The following TAFA1 variants were observed in gnomAD, a reference collection of about 807,000 sequenced individuals.
TAFA1 encodes the protein chemokine-like protein TAFA-1.
Under a neutral mutation model 18.5 loss-of-function variants are expected in TAFA1, and 4 were observed. The ratio of observed to expected loss-of-function variants is 0.22; its 90% confidence interval spans 0.11 to 0.49. The LOEUF (loss-of-function observed/expected upper bound fraction) is 0.49, where lower values mean the gene tolerates loss of function less well. Ranked by LOEUF, TAFA1 falls within the 20% of genes least tolerant of loss-of-function variation. TAFA1 has a pLI of 0.98. For missense variants in TAFA1, 147 were observed against 169.0 expected, an observed-to-expected ratio of 0.87 and a Z score of 0.72; for synonymous variants, 56 against 55.2, an observed-to-expected ratio of 1.01 and a Z score of -0.06.
intron 2 of TAFA1, among the ~76,000 whole-genome samples, chr3:68,416,975 A>T (rs184694437): frequency 2.0e-5 from 3 of 152,282 alleles, no homozygotes; most frequent in Admixed American, 2.0e-4. Flanking sequence ...CATTTAAATC[A>T]GGCAGCATCT....
At chr3:68,204,383 C>A (rs1416887915) in intron 2 of TAFA1, among the ~76,000 whole-genome samples, 1 of 151,770 alleles carries the variant, frequency 6.6e-6, no homozygotes, top group Admixed American at 6.6e-5. Flanking sequence ...CTTACACTGG[C>A]CTTTTGGTTA....
chr3:68,274,928 T>G (rs2313275), intron 2 of TAFA1, among the ~76,000 whole-genome samples: 62,076 of 151,958 alleles, frequency 0.41, 13,307 homozygotes, highest in East Asian at 0.74. Context: ...GTTGCAAAAT[T>G]AACATAGACC....
rs183292389 is a variant in TAFA1 at position 68,467,096 on chromosome 3, C to T, written c.259+49676C>T. 1.5e-4 allele frequency among the ~76,000 whole-genome samples: 23 copies of T among 152,260 alleles called. No homozygotes were observed. The East Asian group carries it at 3.3e-3, about 22-fold the overall frequency. ...AAGAGAAATATGGCTCTGTCCTGCC[C>T]GGCCCACAGGCAGCTAGACTTTTAA... On this transcript the variant is annotated intron_variant, in intron 3 of 4. Coordinates refer to ENST00000478136, the MANE Select transcript of TAFA1 (RefSeq NM_213609.4).
intron 2 of TAFA1, among the ~76,000 whole-genome samples, chr3:68,084,644 CA>C (rs1039977189): frequency 1.3e-5 from 2 of 151,948 alleles, no homozygotes; most frequent in African/African-American, 4.8e-5. Context: ...CTAAAACATA[CA>C]AAATTAGCTG....
At position 68,417,388 on chromosome 3, in the gene TAFA1, G is replaced by A. The variant is rs771859334; in HGVS notation, c.227G>A (p.Gly76Glu). 4.3e-6 allele frequency: 7 copies of A among 1,613,492 alleles called. No individual in the cohort carries two copies. Among genetic ancestry groups the A allele is most frequent in the Non-Finnish European group, 5.9e-6 (7 of 1,179,678 alleles). The change falls in exon 3 of 5, where the codon GGA (glycine) becomes GAA (glutamate). Residue 76 changes from glycine (G) to glutamate (E), a missense_variant. Physicochemically the swap from Gly to Glu is moderately conservative, Grantham distance 98 (BLOSUM62 -2). Transcript: ENST00000478136. ...KCSCLPGKVA[G>E]TTRNRPSCVD... Reference sequence around the variant, plus strand: ...TCCTGTCTACCTGGAAAAGTGGCTGGAACAACAAGAAACCGGCCTTCTTGC... The same window carrying A: ...TCCTGTCTACCTGGAAAAGTGGCTGAAACAACAAGAAACCGGCCTTCTTGC...
chr3:68,217,598 A>G (rs2066675040), intron 2 of TAFA1, among the ~76,000 whole-genome samples: 1 of 152,066 alleles, frequency 6.6e-6, no homozygotes, highest in Admixed American at 6.6e-5. Context: ...TGAATCATTA[A>G]TTGTAAGAAG....
At chr3:68,149,404 A>T (rs376807131) in intron 2 of TAFA1, among the ~76,000 whole-genome samples, 4 of 152,224 alleles carry the variant, frequency 2.6e-5, no homozygotes, top group African/African-American at 9.6e-5. Flanking sequence ...TTTATAAAGA[A>T]AAAAAGCTTA....
At chr3:68,060,655 A>G (rs1199451085) in intron 2 of TAFA1, among the ~76,000 whole-genome samples, 1 of 152,092 alleles carries the variant, frequency 6.6e-6, no homozygotes, top group Non-Finnish European at 1.5e-5. Context: ...GTGAATGTGG[A>G]GAAACTGGCC....
intron 3 of TAFA1, among the ~76,000 whole-genome samples, chr3:68,495,990 C>G (rs1436903225): frequency 7.9e-6 from 1 of 126,668 alleles, no homozygotes; most frequent in Non-Finnish European, 1.6e-5. Context: ...AACCTTCTTT[C>G]CCTGAAGCAA....
chr3:68,097,771 A>G (rs796940675), intron 2 of TAFA1, among the ~76,000 whole-genome samples: 2 of 152,290 alleles, frequency 1.3e-5, no homozygotes, highest in African/African-American at 4.8e-5. Context: ...ATTAAGAGCT[A>G]TGAAAGAAGG....
chr3:68,538,955 T>C lies in TAFA1; in HGVS notation c.384+75T>C, dbSNP rs3749217. Reference sequence around the variant, plus strand: ...TTGAGTTTGTGCTGTGCAAACAGCATCCACAGAAGCTTTGCACAGGAGAGA... The same window carrying C: ...TTGAGTTTGTGCTGTGCAAACAGCACCCACAGAAGCTTTGCACAGGAGAGA... On this transcript the variant is annotated intron_variant, in intron 4 of 4. Transcript: ENST00000478136. 2.8e-4 allele frequency: 415 copies of C among 1,481,920 alleles called. 1 individual carries two copies. The East Asian group carries it at 9.5e-3, about 34-fold the overall frequency. 91.8% of individuals were successfully genotyped at this position (1,481,920 alleles called of 1,614,324 possible).
intron 3 of TAFA1, among the ~76,000 whole-genome samples, chr3:68,501,598 G>C (rs1238581220): frequency 6.6e-6 from 1 of 152,094 alleles, no homozygotes; most frequent in South Asian, 2.1e-4. Flanking sequence ...TCTAAACACT[G>C]TGCTAAATGC....
intron 2 of TAFA1, among the ~76,000 whole-genome samples, chr3:68,258,013 G>A (rs892878149): frequency 2.6e-5 from 4 of 152,264 alleles, no homozygotes; most frequent in South Asian, 2.1e-4. Flanking sequence ...CAGAAGGAAA[G>A]AAAGATGTCA....
chr3:68,503,111 C>T (rs1352892568), intron 3 of TAFA1, among the ~76,000 whole-genome samples: 3 of 152,108 alleles, frequency 2.0e-5, no homozygotes. Flanking sequence ...GTGGAAAGTT[C>T]CATACTTGAT....
At chr3:68,000,161 A>T (rs186223001), upstream of TAFA1, among the ~76,000 whole-genome samples, 1 of 152,048 alleles carries the variant, frequency 6.6e-6, no homozygotes, top group African/African-American at 2.4e-5. Flanking sequence ...TTTATTTTTG[A>T]TTCATTTATT....
intron 3 of TAFA1, among the ~76,000 whole-genome samples, chr3:68,465,159 T>G (rs901160145): frequency 6.6e-6 from 1 of 152,158 alleles, no homozygotes; most frequent in African/African-American, 2.4e-5. Context: ...AGATCAGTGA[T>G]AAAGATCAGT....
At chr3:68,070,253 T>A (rs57244751) in intron 2 of TAFA1, among the ~76,000 whole-genome samples, 2 of 152,226 alleles carry the variant, frequency 1.3e-5, no homozygotes, top group Admixed American at 1.3e-4. Context: ...CAGTTCTTGA[T>A]GTCTGTGCAA....
chr3:68,264,776 CT>C (rs887392118), intron 2 of TAFA1, among the ~76,000 whole-genome samples: 14 of 147,620 alleles, frequency 9.5e-5, no homozygotes, highest in African/African-American at 3.7e-4. Context: ...ACAGACCAAA[CT>C]TTTGACAAAA....
intron 2 of TAFA1, among the ~76,000 whole-genome samples, chr3:68,376,087 G>T (rs868598893): frequency 2.0e-5 from 3 of 152,084 alleles, no homozygotes; most frequent in Admixed American, 6.6e-5. Flanking sequence ...ATCTCCAAGG[G>T]TCTGCACAAC....
Sources: allele counts gnomAD v4.1 joint callset (sites outside exome capture counted in the v4.1 genomes callset), GRCh38; gene constraint gnomAD v4.1.1; transcripts MANE v1.5; gene names NCBI Gene and HGNC (gene_info 2026-07-23, HGNC 2026-07-21).